Variants in ZNF233 observed in about 807,000 individuals in gnomAD.
ZNF233 encodes the protein zinc finger protein 233.
ZNF233 carries 7 observed loss-of-function variants against 11.6 expected under a neutral mutation model. That is an observed-to-expected ratio of 0.60 (90% confidence interval 0.34 to 1.13). ZNF233 has a LOEUF of 1.13. Among genes scored for constraint, ZNF233 ranks in the 50% most tolerant of loss-of-function variants. The pLI is 0.03. For missense variants in ZNF233, 711 were observed against 785.5 expected (o/e 0.91, Z 1.13); for synonymous variants, 226 against 268.5 (o/e 0.84, Z 1.55).
Position 44,274,038 on chromosome 19 carries a change from G to C in ZNF233, c.1378G>C (p.Gly460Arg), listed in dbSNP as rs763852245. Residue 460 changes from glycine to arginine, a missense_variant, in exon 5 of 5, where the codon GGC becomes CGC. By Grantham distance (125) the Gly-to-Arg change is moderately radical (BLOSUM62 -2). Coordinates refer to ENST00000683810, the MANE Select transcript of ZNF233 (RefSeq NM_001207005.2). ...KPYKCEVCDK[G>R]FSKASNLQAH... ...ATATAAATGTGAGGTATGTGATAAG[G>C]GCTTCAGTAAGGCCTCAAATCTTCA... 6.3e-7 allele frequency: 1 copy of C among 1,597,774 alleles called. No homozygotes were observed. The highest frequency in any genetic ancestry group is 8.5e-7 in the Non-Finnish European group (1 of 1,179,408).
At position 44,273,524 on chromosome 19, in the gene ZNF233, T is replaced by C. The variant is rs1323594054; in HGVS notation, c.864T>C (p.Asn288=). The change falls in exon 5 of 5, where the codon AAT becomes AAC. Residue 288 remains asparagine, a synonymous_variant. Transcript: ENST00000683810. ...QLHLRDKPHV[N]VEYGKGIGYS... ...ACTTAAGAGACAAGCCTCATGTAAATGTTGAGTACGGGAAGGGCATAGGTT... is the reference window on the plus strand; with the variant it reads ...ACTTAAGAGACAAGCCTCATGTAAACGTTGAGTACGGGAAGGGCATAGGTT... 3 of 1,614,158 alleles carry C rather than the reference T, an allele frequency of 1.9e-6. No homozygotes were observed. The highest frequency in any genetic ancestry group is 3.3e-5 in the Admixed American group (2 of 60,020).
intron 2 of ZNF233, among the ~76,000 whole-genome samples, chr19:44,264,664 C>T (rs960983231): frequency 2.6e-5 from 4 of 152,002 alleles, no homozygotes; most frequent in African/African-American, 7.2e-5. Context: ...AATCTATTTC[C>T]CCCATACTAT....
chr19:44,266,672 T>G (rs185089819), intron 3 of ZNF233, among the ~76,000 whole-genome samples, 194 bp from the exon 4 acceptor site: 91 of 152,366 alleles, frequency 6.0e-4, no homozygotes, highest in African/African-American at 2.0e-3. Flanking sequence ...GATCAAATTA[T>G]CTGATCACTT....
At chr19:44,263,974 A>G (rs924848641) in intron 1 of ZNF233, among the ~76,000 whole-genome samples, 17 of 152,214 alleles carry the variant, frequency 1.1e-4, no homozygotes, top group African/African-American at 4.1e-4. Flanking sequence ...GGGGAGGTTA[A>G]TTAGCTTAAA....
At position 44,275,213 on chromosome 19, in the gene ZNF233, C is replaced by A; in HGVS notation, c.*540C>A. The A allele has an allele frequency of 3.2e-6, 1 of 313,194 alleles. No individual in the cohort carries two copies. The highest frequency in any genetic ancestry group is 5.7e-6 in the Non-Finnish European group (1 of 173,920). The allele number at this position is 313,194 out of a possible 1,614,324, so 19.4% of individuals were successfully genotyped here. Reference sequence around the variant, plus strand: ...ACATATATTTGAATATTTTAGTGAGCTCAGCCCCAATTCGTCATTATAATT... The same window carrying A: ...ACATATATTTGAATATTTTAGTGAGATCAGCCCCAATTCGTCATTATAATT... On this transcript the variant is annotated 3_prime_UTR_variant, in exon 5 of 5. Coordinates refer to ENST00000683810, the MANE Select transcript of ZNF233 (RefSeq NM_001207005.2).
In ZNF233 at chr19:44,274,681, G is replaced by A. The variant is rs1222827621; in HGVS notation, c.*8G>A. 6.3e-7 allele frequency: 1 copy of A among 1,575,106 alleles called. No homozygotes were observed. Among genetic ancestry groups the A allele is most frequent in the South Asian group, 1.2e-5 (1 of 85,180 alleles). ...TCATCAGAGAGTCCATGATGGTGAT[G>A]AATCTATTAATCATGATGAGTGTGA... On this transcript the variant is annotated 3_prime_UTR_variant, in exon 5 of 5. Coordinates refer to ENST00000683810, the MANE Select transcript of ZNF233 (RefSeq NM_001207005.2).
Position 44,272,942 on chromosome 19 carries a change from A to AT in ZNF233, c.284dup (p.Leu95PhefsTer7), listed in dbSNP as rs768272749. On this transcript the variant is annotated frameshift_variant, in exon 5 of 5. Coordinates refer to ENST00000683810, the MANE Select transcript of ZNF233 (RefSeq NM_001207005.2). LOFTEE classifies it low-confidence loss of function (END_TRUNC). ...AGATAGATACCCTTCAAGAAGTAAG[A>AT]TTAAGATTCCTTTCATATGAAGACC... 14 of 1,607,416 alleles carry AT rather than the reference A, an allele frequency of 8.7e-6. No homozygotes were observed. Among genetic ancestry groups the AT allele is most frequent in the Non-Finnish European group, 1.1e-5 (13 of 1,178,348 alleles).
At chr19:44,266,648 T>C (rs575996603) in intron 3 of ZNF233, among the ~76,000 whole-genome samples, 2 of 152,314 alleles carry the variant, frequency 1.3e-5, no homozygotes, top group African/African-American at 4.8e-5. Flanking sequence ...GTGATAAAAG[T>C]AGATAATGGT....
chr19:44,264,449 T>C, intron 2 of ZNF233, 74 bp downstream of exon 2: 2 of 1,431,326 alleles, frequency 1.4e-6, no homozygotes, highest in East Asian at 2.4e-5. Flanking sequence ...TTTTTTTCTC[T>C]TCCTTGGGAA....
At chr19:44,270,749 G>A (rs542740762) in intron 4 of ZNF233, among the ~76,000 whole-genome samples, 12 of 152,268 alleles carry the variant, frequency 7.9e-5, no homozygotes, top group African/African-American at 2.4e-4. Flanking sequence ...AGGAGGCCTC[G>A]CTTCCTTGCT....
intron 4 of ZNF233, among the ~76,000 whole-genome samples, chr19:44,271,059 T>C (rs1164847391): frequency 6.6e-6 from 1 of 152,232 alleles, no homozygotes; most frequent in Non-Finnish European, 1.5e-5. Flanking sequence ...GCAACAATTA[T>C]CAATGCCTTT....
intron 2 of ZNF233, among the ~76,000 whole-genome samples, chr19:44,265,893 T>A (rs1975068517): frequency 6.6e-6 from 1 of 152,214 alleles, no homozygotes; most frequent in Non-Finnish European, 1.5e-5. Flanking sequence ...AGTTATAAAA[T>A]ACGTATTCCG....
At chr19:44,269,443 A>G (rs958875214) in intron 4 of ZNF233, among the ~76,000 whole-genome samples, 1 of 151,860 alleles carries the variant, frequency 6.6e-6, no homozygotes, top group Non-Finnish European at 1.5e-5. Flanking sequence ...CTATAGGCGC[A>G]TGCCACCACA....
rs769229447 is a variant in ZNF233, at chr19:44,273,882, A to G, written c.1222A>G (p.Ser408Gly). The change falls in exon 5 of 5, where the codon AGT (serine) becomes GGT (glycine). Residue 408 changes from serine to glycine, a missense_variant. Coordinates refer to ENST00000683810, the MANE Select transcript of ZNF233 (RefSeq NM_001207005.2). Reference protein sequence around the residue: ...CKCDVYDKGFSQTSQLQAHQR... With the variant: ...CKCDVYDKGFGQTSQLQAHQR... ...ATGTGATGTATATGATAAAGGCTTCAGTCAGACATCACAACTTCAAGCCCA... is the reference window on the plus strand; with the variant it reads ...ATGTGATGTATATGATAAAGGCTTCGGTCAGACATCACAACTTCAAGCCCA... The G allele has an allele frequency of 6.2e-7, 1 of 1,614,256 alleles. No homozygotes were observed. The highest frequency in any genetic ancestry group is 1.1e-5 in the South Asian group (1 of 91,090).
rs776323403 is a variant in ZNF233, at chr19:44,274,219, T to A, written c.1559T>A (p.Ile520Asn). The A allele has an allele frequency of 6.2e-7, 1 of 1,600,156 alleles. No homozygotes were observed. The highest frequency in any genetic ancestry group is 1.1e-5 in the South Asian group (1 of 90,464). The change falls in exon 5 of 5, where the codon ATC becomes AAC. Residue 520 changes from isoleucine to asparagine, a missense_variant. Physicochemically the swap from Ile to Asn is moderately radical, Grantham distance 149. Coordinates refer to ENST00000683810, the MANE Select transcript of ZNF233 (RefSeq NM_001207005.2). ...CDTCGKDFSQ[I>N]SHLQAHQRVH... The stretch of plus-strand genomic sequence containing the variant: ...ACATGTGGGAAGGACTTCAGTCAGA[T>A]CTCTCATCTTCAGGCCCATCAGAGA...
chr19:44,264,168 G>A, intron 1 of ZNF233, 146 bp from the exon 2 acceptor site: 2 of 632,658 alleles, frequency 3.2e-6, no homozygotes, highest in Non-Finnish European at 5.7e-6. Flanking sequence ...TCGAACTCCT[G>A]AGCTCAAGCA....
chr19:44,274,600 C>T lies in ZNF233; in HGVS notation c.1940C>T (p.Pro647Leu), dbSNP rs1488395871. ...AHQRVHTGEK[P>L]YKCFVCGKGF... Reference sequence around the variant, plus strand: ...CAGAGAGTCCATACTGGAGAGAAACCATACAAATGTTTTGTGTGTGGTAAG... The same window carrying T: ...CAGAGAGTCCATACTGGAGAGAAACTATACAAATGTTTTGTGTGTGGTAAG... The change falls in exon 5 of 5, where the codon CCA becomes CTA. Residue 647 changes from proline (P) to leucine (L), a missense_variant. Transcript: ENST00000683810. 6.2e-7 allele frequency: 1 copy of T among 1,613,276 alleles called. No homozygotes were observed. The highest frequency in any genetic ancestry group is 1.7e-5 in the Admixed American group (1 of 59,948).
At position 44,273,624 on chromosome 19, in the gene ZNF233, G is replaced by T. The variant is rs769337060; in HGVS notation, c.964G>T (p.Gly322Cys). Residue 322 changes from glycine to cysteine, a missense_variant, in exon 5 of 5, where the codon GGC becomes TGC. Coordinates refer to ENST00000683810, the MANE Select transcript of ZNF233 (RefSeq NM_001207005.2). ...CTATAGGAATGGTGACAGTGGTGAG[G>T]GCTTCAGTCAGGGCTCACATCTGCA... The part of the protein sequence containing the change: ...KCYRNGDSGE[G>C]FSQGSHLQPH... 45 of 1,614,138 alleles carry T rather than the reference G, an allele frequency of 2.8e-5. 1 individual carries two copies. The South Asian group carries it at 2.9e-4, about 10-fold the overall frequency.
intron 4 of ZNF233, chr19:44,267,503 C>T (rs1286517185): frequency 2.5e-6 from 1 of 397,460 alleles, no homozygotes; most frequent in Non-Finnish European, 4.4e-6. Flanking sequence ...ACTACAGGCA[C>T]TTGCCACTAT....
Sources: allele counts gnomAD v4.1 joint callset (sites outside exome capture counted in the v4.1 genomes callset), GRCh38; gene constraint gnomAD v4.1.1; transcripts MANE v1.5; gene names NCBI Gene and HGNC (gene_info 2026-07-23, HGNC 2026-07-21).